Variants in MECR observed in about 807,000 individuals in gnomAD.
MECR encodes enoyl-[acyl-carrier-protein] reductase, mitochondrial.
A neutral mutation model predicts 49.1 loss-of-function variants in MECR; 37 were observed. The ratio of observed to expected loss-of-function variants is 0.75; its 90% confidence interval spans 0.58 to 0.99. The LOEUF (loss-of-function observed/expected upper bound fraction) is 0.99. Ranked by LOEUF, MECR falls within the 50% of genes least tolerant of loss-of-function variation. MECR has a pLI of 0.00. For synonymous variants in MECR, 198 were observed against 191.1 expected (o/e 1.04, Z -0.30); for missense variants, 470 against 479.6 (o/e 0.98, Z 0.19).
At chr1:29,202,498 G>A (rs954719341) in intron 5 of MECR, among the ~76,000 whole-genome samples, 2 of 152,122 alleles carry the variant, frequency 1.3e-5, no homozygotes, top group Admixed American at 1.3e-4. Context: ...AGCTGGTGTC[G>A]ATTATACTAA....
In MECR at chr1:29,206,914, G is replaced by A. The variant is rs1261054058; in HGVS notation, c.407-9C>T. 6.2e-7 allele frequency: 1 copy of A among 1,613,970 alleles called. No homozygotes were observed. The highest frequency in any genetic ancestry group is 8.5e-7 in the Non-Finnish European group (1 of 1,179,954). On this transcript the variant is annotated splice_polypyrimidine_tract_variant and intron_variant, in intron 3 of 9. Transcript: ENST00000263702. ...CTCGGTCCGCCAGGTTCCTGAGTCA[G>A]AAGATGAAGCCAGGATCATAAGGAA...
chr1:29,209,225 A>G (rs1677351441), intron 3 of MECR, among the ~76,000 whole-genome samples: 1 of 152,000 alleles, frequency 6.6e-6, no homozygotes, highest in Non-Finnish European at 1.5e-5. Context: ...TACCCTTACT[A>G]TGTGTGATAC....
At position 29,230,747 on chromosome 1, in the gene MECR, G is replaced by C; in HGVS notation, c.160C>G (p.Pro54Ala). 6.3e-7 allele frequency: 1 copy of C among 1,585,972 alleles called. No homozygotes were observed. Among genetic ancestry groups the C allele is most frequent in the South Asian group, 1.1e-5 (1 of 87,632 alleles). Reference sequence around the variant, plus strand: ...GTCTCTTACTCGACGACCTTGGCTGGATCCCCGTGGTGCCCATAGACAAGC... The same window carrying C: ...GTCTCTTACTCGACGACCTTGGCTGCATCCCCGTGGTGCCCATAGACAAGC... ...RALVYGHHGD[P>A]AKVVELKNLE... Residue 54 changes from proline (P) to alanine (A), a missense_variant, in exon 1 of 10, where the codon CCA becomes GCA. Physicochemically the swap from Pro to Ala is conservative, Grantham distance 27. Transcript: ENST00000263702.
intron 3 of MECR, among the ~76,000 whole-genome samples, chr1:29,213,678 G>C (rs1678602459): frequency 6.6e-6 from 1 of 152,236 alleles, no homozygotes; most frequent in Admixed American, 6.5e-5. Context: ...TCAGGCTGCT[G>C]GTGGCCATCT....
chr1:29,189,403 G>C (rs918351030), downstream of MECR, among the ~76,000 whole-genome samples: 9 of 150,818 alleles, frequency 6.0e-5, no homozygotes, highest in African/African-American at 1.9e-4. Flanking sequence ...GGTTGGGGGG[G>C]GGTCTCCTCA....
chr1:29,230,915 C>A lies in MECR; in HGVS notation c.-9G>T, dbSNP rs895280978. The A allele has an allele frequency of 3.1e-6, 5 of 1,588,958 alleles. No homozygotes were observed. Among genetic ancestry groups the A allele is most frequent in the Non-Finnish European group, 8.5e-7 (1 of 1,172,374 alleles). On this transcript the variant is annotated 5_prime_UTR_variant, in exon 1 of 10. Transcript: ENST00000263702. ...GTACTGCAGACCCACATGCTCGCTC[C>A]AACCAACACAGAGCCTGACGCCCCG... is the stretch of plus-strand genomic sequence containing the variant.
At chr1:29,171,634 T>C in the MECR span, 1 of 151,944 alleles carries the variant, frequency 6.6e-6, no homozygotes, top group African/African-American at 2.4e-5. Context: ...GCTTACAAAT[T>C]TGTAAGTATC....
At chr1:29,200,665 G>A in intron 6 of MECR, 76 bp from the exon 7 acceptor site, 1 of 1,270,316 alleles carries the variant, frequency 7.9e-7, no homozygotes, top group Non-Finnish European at 1.1e-6. Flanking sequence ...CAAGTGCTGT[G>A]TTAAAAGGAG....
intron 4 of MECR, among the ~76,000 whole-genome samples, chr1:29,205,014 T>G (rs887431207): frequency 6.6e-6 from 1 of 152,246 alleles, no homozygotes; most frequent in Non-Finnish European, 1.5e-5. Context: ...AGAGGTGGCT[T>G]GGGTGAGTTC....
chr1:29,198,132 C>A (rs1674442032), intron 7 of MECR, among the ~76,000 whole-genome samples: 1 of 152,154 alleles, frequency 6.6e-6, no homozygotes, highest in Admixed American at 6.5e-5. Flanking sequence ...GGTTCACATG[C>A]CCATGAGAAT....
At chr1:29,215,505 G>T (rs1679158054) in intron 3 of MECR, among the ~76,000 whole-genome samples, 1 of 151,790 alleles carries the variant, frequency 6.6e-6, no homozygotes, top group Non-Finnish European at 1.5e-5. Context: ...TTGAACCTGG[G>T]AGGCTGCAGT....
chr1:29,220,008 C>A (rs1680370331), intron 1 of MECR, among the ~76,000 whole-genome samples: 1 of 152,054 alleles, frequency 6.6e-6, no homozygotes, highest in Non-Finnish European at 1.5e-5. Context: ...ACTGTGAGCT[C>A]CCAGAGGGCA....
At chr1:29,216,215 T>G (rs1261366350) in intron 2 of MECR, 79 bp from the exon 3 acceptor site, 2 of 1,553,560 alleles carry the variant, frequency 1.3e-6, no homozygotes, top group Non-Finnish European at 1.8e-6. Flanking sequence ...CACGCCATCC[T>G]AGGCCTGATC....
intron 1 of MECR, among the ~76,000 whole-genome samples, chr1:29,226,696 C>T (rs940130948): frequency 6.6e-6 from 1 of 152,028 alleles, no homozygotes; most frequent in African/African-American, 2.4e-5. Context: ...TGTAAGATCT[C>T]GGATAAGTGC....
chr1:29,178,558 A>G, the MECR span, among the ~76,000 whole-genome samples: 125,033 of 151,642 alleles, frequency 0.82, 52,122 homozygotes, highest in Middle Eastern at 0.89. Context: ...GGGTTTCACC[A>G]TCTTAACCAG....
At chr1:29,174,422 C>T in the MECR span, among the ~76,000 whole-genome samples, 1 of 152,028 alleles carries the variant, frequency 6.6e-6, no homozygotes, top group East Asian at 1.9e-4. Context: ...TAAAATAGTA[C>T]AAAAATAAAG....
intron 7 of MECR, among the ~76,000 whole-genome samples, 175 bp from the exon 8 acceptor site, chr1:29,196,433 T>A (rs568251147): frequency 2.0e-5 from 3 of 152,282 alleles, no homozygotes; most frequent in African/African-American, 7.2e-5. Context: ...ATGCCTATAA[T>A]CCCAGCACTT....
At chr1:29,186,915 T>C in the MECR span, among the ~76,000 whole-genome samples, 1 of 152,234 alleles carries the variant, frequency 6.6e-6, no homozygotes, top group Non-Finnish European at 1.5e-5. Context: ...GACATTAACA[T>C]CTCAATGACA....
chr1:29,217,530 C>A (rs1459078968), intron 1 of MECR, among the ~76,000 whole-genome samples: 3 of 152,018 alleles, frequency 2.0e-5, no homozygotes, highest in Admixed American at 1.3e-4. Flanking sequence ...ACCCCACTGC[C>A]CACTCTGGGA....
Sources: allele counts gnomAD v4.1 joint callset (sites outside exome capture counted in the v4.1 genomes callset), GRCh38; gene constraint gnomAD v4.1.1; transcripts MANE v1.5; gene names NCBI Gene and HGNC (gene_info 2026-07-23, HGNC 2026-07-21).